NCKAP5: variants seen among roughly 807,000 people sequenced by gnomAD.
The protein encoded by NCKAP5 is nck-associated protein 5.
NCKAP5 carries 92 observed loss-of-function variants against 167.0 expected under a neutral mutation model. The observed-to-expected ratio is 0.55, with a 90% CI of 0.47 to 0.66. The LOEUF (loss-of-function observed/expected upper bound fraction) is 0.66. Among genes scored for constraint, NCKAP5 ranks in the 30% least tolerant of loss-of-function variants. The probability of loss-of-function intolerance (pLI) is 0.00; values close to 1 mark genes in which losing one functional copy is unlikely to be tolerated. For synonymous variants in NCKAP5, 891 were observed against 877.4 expected, an observed-to-expected ratio of 1.02 and a Z score of -0.27; for missense variants, 2,378 against 2,315.0, an observed-to-expected ratio of 1.03 and a Z score of -0.56.
At chr2:132,832,544 C>T (rs58484347) in intron 11 of NCKAP5, among the ~76,000 whole-genome samples, 13,307 of 151,412 alleles carry the variant, frequency 0.088, 917 homozygotes, top group African/African-American at 0.19. Flanking sequence ...ATCCAAGTCT[C>T]TACTGTCTAT....
intron 6 of NCKAP5, among the ~76,000 whole-genome samples, chr2:133,019,902 C>T (rs527256913): frequency 2.0e-5 from 3 of 152,202 alleles, no homozygotes; most frequent in South Asian, 2.1e-4. Context: ...CTGTGTGGGT[C>T]GGAGCCTGCA....
At chr2:133,501,989 T>G (rs1442195810) in intron 3 of NCKAP5, among the ~76,000 whole-genome samples, 1 of 152,194 alleles carries the variant, frequency 6.6e-6, no homozygotes, top group Non-Finnish European at 1.5e-5. Flanking sequence ...ATACTCAACA[T>G]GTAGTCTTTG....
intron 3 of NCKAP5, among the ~76,000 whole-genome samples, chr2:133,492,289 C>A (rs1681535271): frequency 6.6e-6 from 1 of 152,130 alleles, no homozygotes; most frequent in African/African-American, 2.4e-5. Flanking sequence ...AAATTAGTTT[C>A]TCAGCCTCAA....
At chr2:132,920,697 A>ATATACGTATATGTATATATATG (rs1695266889) in intron 8 of NCKAP5, among the ~76,000 whole-genome samples, 1 of 124,336 alleles carries the variant, frequency 8.0e-6, no homozygotes, top group African/African-American at 3.4e-5. Flanking sequence ...TTATATATAT[A>ATATACGTATATGTATATATATG]TATACGTATA....
intron 5 of NCKAP5, among the ~76,000 whole-genome samples, chr2:133,188,182 C>A (rs1477772018): frequency 6.6e-6 from 1 of 151,828 alleles, no homozygotes; most frequent in East Asian, 1.9e-4. Context: ...GTGACAAAAT[C>A]TCTCAGCATT....
At chr2:133,134,948 C>A (rs906041043) in intron 5 of NCKAP5, among the ~76,000 whole-genome samples, 1 of 152,180 alleles carries the variant, frequency 6.6e-6, no homozygotes. Context: ...GTACCCCCAA[C>A]ATGGAGTCGT....
At chr2:133,149,144 G>T (rs937783860) in intron 5 of NCKAP5, among the ~76,000 whole-genome samples, 5 of 152,086 alleles carry the variant, frequency 3.3e-5, no homozygotes, top group African/African-American at 1.2e-4. Flanking sequence ...ATATAATTAA[G>T]CCAACCATTA....
At chr2:133,553,423 T>G (rs1687514745) in intron 2 of NCKAP5, among the ~76,000 whole-genome samples, 1 of 152,234 alleles carries the variant, frequency 6.6e-6, no homozygotes, top group Non-Finnish European at 1.5e-5. Context: ...ATCTGCATTT[T>G]TAATGTCGTC....
intron 4 of NCKAP5, among the ~76,000 whole-genome samples, chr2:133,288,334 A>C (rs1277799888): frequency 5.3e-5 from 8 of 152,204 alleles, no homozygotes; most frequent in African/African-American, 1.9e-4. Context: ...TCTATTTTAG[A>C]GTGGTCTTCT....
At chr2:132,871,346 C>G (rs912149659) in intron 9 of NCKAP5, among the ~76,000 whole-genome samples, 17 of 152,166 alleles carry the variant, frequency 1.1e-4, no homozygotes, top group African/African-American at 3.9e-4. Context: ...ACAGAAGAAT[C>G]GAACTATTCA....
intron 6 of NCKAP5, among the ~76,000 whole-genome samples, chr2:133,108,938 TG>T (rs1300067671): frequency 6.6e-6 from 1 of 152,248 alleles, no homozygotes; most frequent in African/African-American, 2.4e-5. Flanking sequence ...ATTCTTACAC[TG>T]TTGGAAATTT....
chr2:132,856,336 GA>G (rs532362885), intron 11 of NCKAP5, among the ~76,000 whole-genome samples: 4 of 150,070 alleles, frequency 2.7e-5, no homozygotes, highest in Non-Finnish European at 4.4e-5. Context: ...AAGACTAAGA[GA>G]AAAAAAAAGC....
chr2:133,457,465 C>T (rs1691933500), intron 3 of NCKAP5, among the ~76,000 whole-genome samples: 1 of 152,248 alleles, frequency 6.6e-6, no homozygotes, highest in East Asian at 1.9e-4. Context: ...AATGGCAATG[C>T]AGCCTTAATC....
chr2:133,436,535 A>G (rs1690490522), intron 3 of NCKAP5, among the ~76,000 whole-genome samples: 1 of 152,112 alleles, frequency 6.6e-6, no homozygotes, highest in South Asian at 2.1e-4. Flanking sequence ...ATTCTTTGAC[A>G]TTCCCTGGCC....
At chr2:132,817,656 T>A (rs1480761514) in intron 11 of NCKAP5, among the ~76,000 whole-genome samples, 3 of 152,182 alleles carry the variant, frequency 2.0e-5, no homozygotes, top group Non-Finnish European at 4.4e-5. Context: ...CAGATTAACC[T>A]TGGCCAACTG....
At chr2:133,134,149 C>T (rs2082703666) in intron 5 of NCKAP5, among the ~76,000 whole-genome samples, 1 of 152,186 alleles carries the variant, frequency 6.6e-6, no homozygotes, top group Non-Finnish European at 1.5e-5. Context: ...CCTCAGTCCA[C>T]TGTGTGCATT....
intron 4 of NCKAP5, among the ~76,000 whole-genome samples, chr2:133,245,015 C>T (rs1276058185): frequency 2.0e-5 from 3 of 152,134 alleles, no homozygotes; most frequent in Admixed American, 6.6e-5. Flanking sequence ...CAGTTAAAGA[C>T]TTGAAAATAC....
At chr2:133,527,433 T>C (rs917710422) in intron 2 of NCKAP5, among the ~76,000 whole-genome samples, 2 of 151,912 alleles carry the variant, frequency 1.3e-5, no homozygotes, top group Non-Finnish European at 2.9e-5. Context: ...ACCTAGGAGC[T>C]TTTTTTTCCA....
chr2:133,461,547 G>C lies in NCKAP5; in HGVS notation c.69+55911C>G, dbSNP rs58896894. Among the ~76,000 whole-genome samples the C allele has an allele frequency of 5.1e-3, 777 of 152,240 alleles. 7 individuals carry two copies. The highest frequency in any genetic ancestry group is 0.018 in the African/African-American group (730 of 41,546). ...GATCTCCTTTCTGCGCCCACTCAGA[G>C]TTCCAAGTCCCAACCAAGCAATTGC... On this transcript the variant is annotated intron_variant, in intron 3 of 19. Transcript: ENST00000409261.
Sources: gnomAD v4.1 joint callset for allele counts (sites outside exome capture counted in the v4.1 genomes callset) on GRCh38, gnomAD v4.1.1 for gene constraint, MANE v1.5 for transcripts, NCBI Gene and HGNC (gene_info 2026-07-23, HGNC 2026-07-21) for gene names.